The following SH3KBP1 variants were observed in gnomAD, a reference collection of about 807,000 sequenced individuals.
SH3KBP1 encodes the protein SH3 domain containing kinase binding protein 1.
A neutral mutation model predicts 50.1 loss-of-function variants in SH3KBP1; 8 were observed. The observed-to-expected ratio is 0.16, with a 90% confidence interval of 0.09 to 0.29. SH3KBP1 has a LOEUF of 0.29. SH3KBP1 is among the 10% of genes least tolerant of loss of function. The pLI is 1.00. For synonymous variants in SH3KBP1, 227 were observed against 218.6 expected (o/e 1.04, Z -0.34); for missense variants, 377 against 535.2 (o/e 0.70, Z 2.92).
chrX:19,879,059 C>T (rs760190267), intron 1 of SH3KBP1, among the ~76,000 whole-genome samples: 59 of 112,019 alleles, frequency 5.3e-4, no homozygotes, highest in African/African-American at 1.9e-3. Flanking sequence ...GCCTGGGCAA[C>T]ATGGCGAAGC....
At chrX:19,731,721 A>T (rs889595062) in intron 3 of SH3KBP1, among the ~76,000 whole-genome samples, 2 of 112,160 alleles carry the variant, frequency 1.8e-5, no homozygotes, top group African/African-American at 3.2e-5. Context: ...TTTCAAAAGG[A>T]TTAGGGTATA....
chrX:19,568,961 G>A, intron 13 of SH3KBP1, 142 bp downstream of exon 13: 1 of 500,298 alleles, frequency 2.0e-6, no homozygotes. Flanking sequence ...TTACAAAACT[G>A]TAACACCTAA....
Position 19,536,509 on chromosome X carries a change from T to A in SH3KBP1, c.1957-51A>T, listed in dbSNP as rs747982427. 6 of 830,062 alleles carry A rather than the reference T, an allele frequency of 7.2e-6. No homozygotes were observed. In the East Asian group the frequency reaches 2.0e-4, roughly 27 times the overall value. The allele number at this position is 830,062 out of a possible 1,213,427, so 68.4% of individuals were successfully genotyped here. ...ACAAAGTCATAATGAATCGGCTGGT[T>A]TTATAGAAGCTGAAAGATTATCAAC... On this transcript the variant is annotated intron_variant, in intron 17 of 17. Transcript: ENST00000397821.
chrX:19,635,555 A>G (rs1360817715), intron 7 of SH3KBP1, among the ~76,000 whole-genome samples: 2 of 110,527 alleles, frequency 1.8e-5, no homozygotes, highest in African/African-American at 6.6e-5. Flanking sequence ...AGAAGAAAGA[A>G]AAAAAATACT....
At chrX:19,780,476 G>T (rs1302087584) in intron 2 of SH3KBP1, among the ~76,000 whole-genome samples, 1 of 100,319 alleles carries the variant, frequency 1.0e-5, no homozygotes, top group Non-Finnish European at 2.0e-5. Flanking sequence ...TTTGGCTTTT[G>T]TTGCCATTGC....
At chrX:19,560,784 A>C (rs1429037124) in intron 13 of SH3KBP1, among the ~76,000 whole-genome samples, 1 of 111,098 alleles carries the variant, frequency 9.0e-6, no homozygotes, top group Non-Finnish European at 1.9e-5. Flanking sequence ...ATTTAGATAT[A>C]AGAGGAGCAG....
intron 9 of SH3KBP1, among the ~76,000 whole-genome samples, chrX:19,597,934 C>T (rs1456542585): frequency 8.9e-6 from 1 of 112,831 alleles, no homozygotes; most frequent in Non-Finnish European, 1.9e-5. Context: ...TTTAGTGTAG[C>T]CACCTTCATC....
intron 8 of SH3KBP1, among the ~76,000 whole-genome samples, chrX:19,627,543 C>T (rs1212217110): frequency 8.9e-6 from 1 of 112,562 alleles, no homozygotes; most frequent in Non-Finnish European, 1.9e-5. Context: ...TGGAAATGTT[C>T]CTAAATTCAC....
At chrX:19,573,958 C>T (rs1018862564) in intron 12 of SH3KBP1, among the ~76,000 whole-genome samples, 1 of 111,340 alleles carries the variant, frequency 9.0e-6, no homozygotes, top group African/African-American at 3.3e-5. Context: ...CTCCGAGAGG[C>T]GTTCTATCTA....
At chrX:19,603,980 A>T (rs923093962) in intron 9 of SH3KBP1, among the ~76,000 whole-genome samples, 3 of 111,416 alleles carry the variant, frequency 2.7e-5, no homozygotes, top group Non-Finnish European at 5.7e-5. Context: ...GAACCACCAC[A>T]CTGGCCACTT....
At chrX:19,886,723 A>AG (rs2069593279) in intron 1 of SH3KBP1, among the ~76,000 whole-genome samples, 1 of 110,524 alleles carries the variant, frequency 9.0e-6, no homozygotes, top group African/African-American at 3.3e-5. Context: ...GCCGGGAGGA[A>AG]GGGGGGCGCA....
intron 1 of SH3KBP1, among the ~76,000 whole-genome samples, chrX:19,860,000 T>A (rs181121183): frequency 1.6e-3 from 176 of 111,844 alleles, no homozygotes; most frequent in Non-Finnish European, 2.7e-3. Flanking sequence ...TCCATTTTCA[T>A]GGCAGCATAA....
intron 2 of SH3KBP1, among the ~76,000 whole-genome samples, chrX:19,764,018 A>C (rs1455205234): frequency 9.3e-6 from 1 of 107,438 alleles, no homozygotes; most frequent in African/African-American, 3.4e-5. Flanking sequence ...CTGTCTCAAA[A>C]AAAAAAAAAA....
intron 8 of SH3KBP1, among the ~76,000 whole-genome samples, chrX:19,629,839 C>T (rs760025620): frequency 3.6e-5 from 4 of 112,312 alleles, no homozygotes; most frequent in East Asian, 2.8e-4. Context: ...CTTTCAAATA[C>T]GTTAATCTAT....
chrX:19,541,381 C>T (rs1294523642), intron 16 of SH3KBP1, among the ~76,000 whole-genome samples: 1 of 111,500 alleles, frequency 9.0e-6, no homozygotes, highest in African/African-American at 3.3e-5. Flanking sequence ...GAAGAAAGAC[C>T]CCCACTGCCC....
chrX:19,567,557 A>AATATATATATATATATATATATATAT (rs1555990522), intron 13 of SH3KBP1, among the ~76,000 whole-genome samples: 30 of 35,067 alleles, frequency 8.6e-4, no homozygotes, highest in African/African-American at 3.9e-3. Context: ...AAAAAAAAAA[A>AATATATATATATATATATATATATAT]ATATATATAT....
intron 2 of SH3KBP1, among the ~76,000 whole-genome samples, chrX:19,770,062 C>T (rs1021548477): frequency 2.7e-5 from 3 of 111,814 alleles, no homozygotes; most frequent in Admixed American, 1.9e-4. Flanking sequence ...AACAGACATA[C>T]GAAAATAATG....
intron 6 of SH3KBP1, among the ~76,000 whole-genome samples, chrX:19,676,086 T>G (rs1279965609): frequency 8.9e-6 from 1 of 111,766 alleles, no homozygotes; most frequent in Non-Finnish European, 1.9e-5. Flanking sequence ...AGACACAATC[T>G]TATTTTTCAA....
chrX:19,796,367 T>G (rs2066715938), intron 2 of SH3KBP1, among the ~76,000 whole-genome samples: 1 of 111,890 alleles, frequency 8.9e-6, no homozygotes, highest in Admixed American at 9.5e-5. Flanking sequence ...CTCCCTGGAA[T>G]TGGTGTAAGG....
Sources: allele counts gnomAD v4.1 joint callset (sites outside exome capture counted in the v4.1 genomes callset), GRCh38; gene constraint gnomAD v4.1.1; transcripts MANE v1.5; gene names NCBI Gene and HGNC (gene_info 2026-07-23, HGNC 2026-07-21).